ENOX1: variants seen among roughly 807,000 people sequenced by gnomAD.
ENOX1 encodes candidate growth-related and time keeping constitutive hydroquinone (NADH) oxidase.
In ENOX1, 42 loss-of-function variants were observed where a neutral mutation model predicts 82.5. That is an observed-to-expected ratio of 0.51 (90% CI 0.40 to 0.66). The LOEUF is 0.66. Ranked by LOEUF, ENOX1 falls within the 30% of genes least tolerant of loss-of-function variation. ENOX1 has a pLI of 0.00. For missense variants in ENOX1, 608 were observed against 811.6 expected (o/e 0.75, Z 3.05); for synonymous variants, 271 against 282.2 (o/e 0.96, Z 0.40).
chr13:43,372,875 T>C (rs761837497), intron 5 of ENOX1, among the ~76,000 whole-genome samples: 19 of 151,866 alleles, frequency 1.3e-4, no homozygotes, highest in South Asian at 2.1e-4. Context: ...AGCAGACAGA[T>C]GGAGGGACCG....
intron 1 of ENOX1, among the ~76,000 whole-genome samples, chr13:43,721,376 CTTT>C (rs761888585): frequency 2.8e-5 from 3 of 107,620 alleles, no homozygotes; most frequent in Non-Finnish European, 5.1e-5. Context: ...TATTTTATAT[CTTT>C]TTTTTTTTTT....
rs533491740 is a variant in ENOX1 at position 43,380,353 on chromosome 13, T to C, written c.209-18901A>G. On this transcript the variant is annotated intron_variant, in intron 5 of 16. Transcript: ENST00000690772. ...CTCACAATGTATTCTGGGTTTATGA[T>C]ATATATAGAAGTAAAATATAAGACA... Among the ~76,000 whole-genome samples, 3 of 148,430 alleles carry C rather than the reference T, an allele frequency of 2.0e-5. No individual in the cohort carries two copies. In the South Asian group the frequency reaches 6.2e-4, roughly 31 times the overall value.
intron 1 of ENOX1, among the ~76,000 whole-genome samples, chr13:43,690,035 C>T (rs983941578): frequency 6.6e-6 from 1 of 152,094 alleles, no homozygotes; most frequent in Non-Finnish European, 1.5e-5. Flanking sequence ...GAACATCCAT[C>T]CCCTGTTCCT....
intron 14 of ENOX1, among the ~76,000 whole-genome samples, chr13:43,253,758 T>G (rs558597986): frequency 6.6e-6 from 1 of 151,662 alleles, no homozygotes; most frequent in East Asian, 2.0e-4. Flanking sequence ...CTAATCCTGG[T>G]GCCTTGTCCC....
intron 2 of ENOX1, among the ~76,000 whole-genome samples, chr13:43,495,594 A>G (rs2076765760): frequency 6.7e-6 from 1 of 148,656 alleles, no homozygotes; most frequent in Admixed American, 7.1e-5. Context: ...TCTCCTGTCT[A>G]TGGTCATTTG....
In ENOX1 at chr13:43,457,260, A is replaced by G. The variant is rs548103266; in HGVS notation, c.-75+26749T>C. Among the ~76,000 whole-genome samples the G allele has an allele frequency of 3.3e-5, 5 of 152,304 alleles. 1 individual carries two copies. The South Asian group carries it at 1.0e-3, about 32-fold the overall frequency. The stretch of plus-strand genomic sequence containing the variant: ...GTTTGTCCAGAGAACTTTATGAGTT[A>G]CTTGGACAAACTAGTAACCACCTCA... On this transcript the variant is annotated intron_variant, in intron 3 of 16. Coordinates refer to ENST00000690772, the MANE Select transcript of ENOX1 (RefSeq NM_001347969.2).
At chr13:43,455,807 G>A (rs969805358) in intron 3 of ENOX1, among the ~76,000 whole-genome samples, 13 of 151,874 alleles carry the variant, frequency 8.6e-5, no homozygotes, top group Admixed American at 6.6e-4. Context: ...TTTATAAGGG[G>A]AAACCCCGTT....
At chr13:43,484,596 A>G (rs990694790) in intron 2 of ENOX1, among the ~76,000 whole-genome samples, 1 of 152,256 alleles carries the variant, frequency 6.6e-6, no homozygotes, top group African/African-American at 2.4e-5. Flanking sequence ...CCTCAGGCTT[A>G]GAACCTGTAA....
chr13:43,546,870 AC>A (rs2078995203), intron 2 of ENOX1: 1 of 152,190 alleles, frequency 6.6e-6, no homozygotes, highest in Non-Finnish European at 1.5e-5. Context: ...CCTTCTCACA[AC>A]ATCACTGAGA....
chr13:43,288,313 T>C (rs902232232), intron 12 of ENOX1, among the ~76,000 whole-genome samples: 1 of 152,190 alleles, frequency 6.6e-6, no homozygotes, highest in African/African-American at 2.4e-5. Context: ...TTAATATGAA[T>C]GTGGGAAATG....
chr13:43,310,912 A>G (rs2047163720), intron 11 of ENOX1, among the ~76,000 whole-genome samples: 1 of 151,800 alleles, frequency 6.6e-6, no homozygotes, highest in Admixed American at 6.6e-5. Context: ...GCATTTACTC[A>G]TCTTCCTCTT....
At chr13:43,532,597 T>C (rs1307879445) in intron 2 of ENOX1, among the ~76,000 whole-genome samples, 1 of 152,150 alleles carries the variant, frequency 6.6e-6, no homozygotes, top group African/African-American at 2.4e-5. Context: ...TCCAAAGTTA[T>C]CTGAAGAAAT....
chr13:43,518,374 A>G (rs1453311760), intron 2 of ENOX1, among the ~76,000 whole-genome samples: 1 of 151,962 alleles, frequency 6.6e-6, no homozygotes, highest in Non-Finnish European at 1.5e-5. Context: ...TCAAATGTCT[A>G]TTAGCAAGCA....
intron 2 of ENOX1, among the ~76,000 whole-genome samples, chr13:43,620,493 T>C (rs2082676766): frequency 6.6e-6 from 1 of 152,150 alleles, no homozygotes; most frequent in Non-Finnish European, 1.5e-5. Context: ...ATCTTGATTT[T>C]GTTTCTGACC....
chr13:43,269,438 A>T, intron 13 of ENOX1, 32 bp downstream of exon 13: 1 of 1,558,470 alleles, frequency 6.4e-7, no homozygotes, highest in Non-Finnish European at 8.9e-7. Flanking sequence ...GTTTGGACTG[A>T]TTCATAAATC....
intron 3 of ENOX1, among the ~76,000 whole-genome samples, chr13:43,419,831 C>T (rs764773854): frequency 3.9e-5 from 6 of 151,942 alleles, no homozygotes; most frequent in East Asian, 1.9e-4. Context: ...ATTAGCCGGG[C>T]GTGGTGACGT....
chr13:43,526,862 T>A (rs1028895272), intron 2 of ENOX1, among the ~76,000 whole-genome samples: 1 of 152,120 alleles, frequency 6.6e-6, no homozygotes, highest in Non-Finnish European at 1.5e-5. Flanking sequence ...GACATGGTCA[T>A]ACGGGCTTGT....
At chr13:43,709,653 G>T (rs190875369) in intron 1 of ENOX1, among the ~76,000 whole-genome samples, 68 of 152,106 alleles carry the variant, frequency 4.5e-4, no homozygotes, top group Non-Finnish European at 2.9e-5. Context: ...TAGTTCTTGG[G>T]AAAGATTCCT....
At chr13:43,452,866 T>C (rs1482544432) in intron 3 of ENOX1, among the ~76,000 whole-genome samples, 1 of 152,206 alleles carries the variant, frequency 6.6e-6, no homozygotes, top group Non-Finnish European at 1.5e-5. Context: ...ATTGTTTGCA[T>C]GTATCATAAT....
Sources: allele counts gnomAD v4.1 joint callset (sites outside exome capture counted in the v4.1 genomes callset), GRCh38; gene constraint gnomAD v4.1.1; transcripts MANE v1.5; gene names NCBI Gene and HGNC (gene_info 2026-07-23, HGNC 2026-07-21).